Variants in RAI14 observed in about 807,000 individuals in gnomAD.
RAI14 encodes the protein retinoic acid induced 14.
Under a neutral mutation model 115.4 loss-of-function variants are expected in RAI14, and 45 were observed. The ratio of observed to expected loss-of-function variants is 0.39; its 90% confidence interval spans 0.31 to 0.50. The LOEUF is 0.50. RAI14 is among the 20% of genes least tolerant of loss of function. RAI14 has a pLI of 0.85. For missense variants in RAI14, 939 were observed against 1,131.2 expected, an observed-to-expected ratio of 0.83 and a Z score of 2.44; for synonymous variants, 371 against 415.4, an observed-to-expected ratio of 0.89 and a Z score of 1.30.
At chr5:34,792,228 C>CT (rs1580275086) in intron 3 of RAI14, among the ~76,000 whole-genome samples, 2 of 101,540 alleles carry the variant, frequency 2.0e-5, no homozygotes, top group East Asian at 2.2e-4. Context: ...CTTTTCTTTT[C>CT]TTTTTTCTTT....
At chr5:34,808,081 G>A (rs952693837) in intron 6 of RAI14, among the ~76,000 whole-genome samples, 2 of 152,058 alleles carry the variant, frequency 1.3e-5, no homozygotes, top group Admixed American at 6.6e-5. Context: ...AAATTATCAC[G>A]ATTAATATAT....
intron 1 of RAI14, among the ~76,000 whole-genome samples, chr5:34,682,368 C>T (rs1305531328): frequency 6.6e-6 from 1 of 151,756 alleles, no homozygotes; most frequent in Non-Finnish European, 1.5e-5. Context: ...AAGAAAACCC[C>T]ATATCCATTG....
chr5:34,764,106 C>T (rs557696327), intron 3 of RAI14, among the ~76,000 whole-genome samples: 1 of 152,182 alleles, frequency 6.6e-6, no homozygotes, highest in Non-Finnish European at 1.5e-5. Flanking sequence ...CCGCCTTGGC[C>T]TCCCAAAGTG....
chr5:34,689,397 C>T (rs566714352), intron 2 of RAI14, among the ~76,000 whole-genome samples: 2 of 151,812 alleles, frequency 1.3e-5, no homozygotes, highest in African/African-American at 2.4e-5. Flanking sequence ...AGAGCAAGGC[C>T]CTGTCTCAAA....
At chr5:34,800,562 T>C (rs1754136133) in intron 4 of RAI14, among the ~76,000 whole-genome samples, 1 of 152,228 alleles carries the variant, frequency 6.6e-6, no homozygotes. Flanking sequence ...GAGAGACATC[T>C]TACTTCAGTG....
At chr5:34,793,037 A>ATCACACATATC (rs1362631887) in intron 3 of RAI14, among the ~76,000 whole-genome samples, 2 of 152,246 alleles carry the variant, frequency 1.3e-5, no homozygotes, top group Non-Finnish European at 2.9e-5. Flanking sequence ...ACGATTTATT[A>ATCACACATATC]AAGCGTATGC....
At chr5:34,757,835 A>T in intron 3 of RAI14, 1 of 298,402 alleles carries the variant, frequency 3.4e-6, no homozygotes, top group Non-Finnish European at 6.1e-6. Context: ...ACCTCCTAAG[A>T]TTGCAACCAA....
At chr5:34,793,743 T>C (rs1039624257) in intron 3 of RAI14, among the ~76,000 whole-genome samples, 5 of 152,190 alleles carry the variant, frequency 3.3e-5, no homozygotes, top group African/African-American at 9.7e-5. Context: ...TACTCTCTTA[T>C]TTAGATACTT....
In RAI14 at chr5:34,767,668, A is replaced by G. The variant is rs562203383; in HGVS notation, c.167+10070A>G. Among the ~76,000 whole-genome samples, 24 of 133,986 alleles carry G rather than the reference A, an allele frequency of 1.8e-4. No individual in the cohort carries two copies. In the South Asian group the frequency reaches 5.1e-3, roughly 29 times the overall value. The allele number at this position is 133,986 out of a possible 152,430, so 87.9% of individuals were successfully genotyped here. A position where few individuals can be genotyped will look rare whatever the true frequency, so the allele number is the denominator to read the frequency against. On this transcript the variant is annotated intron_variant, in intron 3 of 17. Coordinates refer to ENST00000265109, the MANE Select transcript of RAI14 (RefSeq NM_015577.3). Reference sequence around the variant, plus strand: ...TGGCGTATCATTCAAGGCCCAATTTACCATCTCTTTCCTGAAGCCATTTCT... The same window carrying G: ...TGGCGTATCATTCAAGGCCCAATTTGCCATCTCTTTCCTGAAGCCATTTCT...
chr5:34,821,114 C>G (rs543460440), intron 13 of RAI14, among the ~76,000 whole-genome samples: 1 of 152,152 alleles, frequency 6.6e-6, no homozygotes, highest in African/African-American at 2.4e-5. Context: ...GGAGCCAAAT[C>G]ATAGAGGCCT....
At chr5:34,808,288 T>G (rs145127062) in intron 6 of RAI14, among the ~76,000 whole-genome samples, 199 of 152,362 alleles carry the variant, frequency 1.3e-3, no homozygotes, top group African/African-American at 4.5e-3. Flanking sequence ...TGATTAGATT[T>G]ACACATGTGT....
rs1757455791 is a variant in RAI14 at position 34,826,428 on chromosome 5, G to A, written c.2748G>A (p.Gln916=). 3 of 1,614,082 alleles carry A rather than the reference G, an allele frequency of 1.9e-6. No homozygotes were observed. The highest frequency in any genetic ancestry group is 2.5e-6 in the Non-Finnish European group (3 of 1,179,970). The change falls in exon 16 of 18, where the codon CAG becomes CAA. Residue 916 remains glutamine (Q), a synonymous_variant. Coordinates refer to ENST00000265109, the MANE Select transcript of RAI14 (RefSeq NM_015577.3). The part of the protein sequence containing the change: ...YSTSSSKRQS[Q]QLEALQQQVK... ...CAAGCTCATCCAAAAGGCAGAGTCAGCAGCTGGAGGCGCTGCAGCAGCAAG... is the reference window on the plus strand; with the variant it reads ...CAAGCTCATCCAAAAGGCAGAGTCAACAGCTGGAGGCGCTGCAGCAGCAAG...
intron 1 of RAI14, among the ~76,000 whole-genome samples, chr5:34,676,911 A>G (rs191975379): frequency 1.3e-5 from 2 of 152,352 alleles, no homozygotes; most frequent in African/African-American, 4.8e-5. Context: ...TTCATTGCCA[A>G]GATGACATTA....
chr5:34,763,788 C>T (rs1748989457), intron 3 of RAI14, among the ~76,000 whole-genome samples: 2 of 152,214 alleles, frequency 1.3e-5, no homozygotes, highest in South Asian at 4.1e-4. Context: ...GTGGATTATA[C>T]TGTAACCAGG....
chr5:34,806,005 A>G (rs968362217), intron 5 of RAI14, among the ~76,000 whole-genome samples: 2 of 152,206 alleles, frequency 1.3e-5, no homozygotes, highest in Admixed American at 6.5e-5. Context: ...CCAGTCTGGT[A>G]AACAATCCAC....
intron 2 of RAI14, chr5:34,688,029 C>T (rs901333438): frequency 3.7e-6 from 5 of 1,364,588 alleles, no homozygotes; most frequent in South Asian, 1.6e-5. Flanking sequence ...AACTGGGAAG[C>T]GTTATGAAAA....
rs1744288280 is a variant in RAI14 at position 34,680,212 on chromosome 5, C to A, written c.-48-6660C>A. Among the ~76,000 whole-genome samples the A allele has an allele frequency of 2.6e-5, 4 of 152,286 alleles. 1 individual carries two copies. The South Asian group carries it at 8.3e-4, about 32-fold the overall frequency. Reference sequence around the variant, plus strand: ...GAGAACTATGAAGTGATTCCTACCACCCCTACTGTCTTAGTCCATTTTCTG... The same window carrying A: ...GAGAACTATGAAGTGATTCCTACCAACCCTACTGTCTTAGTCCATTTTCTG... On this transcript the variant is annotated intron_variant, in intron 1 of 17. Coordinates refer to ENST00000265109, the MANE Select transcript of RAI14 (RefSeq NM_015577.3).
chr5:34,743,518 G>A (rs1023860619), intron 2 of RAI14, among the ~76,000 whole-genome samples: 2 of 152,178 alleles, frequency 1.3e-5, no homozygotes, highest in Admixed American at 6.5e-5. Flanking sequence ...TTCCAATTAA[G>A]ATTGCATTCT....
chr5:34,759,287 G>C (rs1394235148), intron 3 of RAI14, among the ~76,000 whole-genome samples: 1 of 151,962 alleles, frequency 6.6e-6, no homozygotes, highest in Non-Finnish European at 1.5e-5. Context: ...AAGGTTGAGT[G>C]CTACTCTAGG....
Sources: gnomAD v4.1 joint callset for allele counts (sites outside exome capture counted in the v4.1 genomes callset) on GRCh38, gnomAD v4.1.1 for gene constraint, MANE v1.5 for transcripts, NCBI Gene and HGNC (gene_info 2026-07-23, HGNC 2026-07-21) for gene names.